The following ENTHD1 variants were observed in gnomAD, a reference collection of about 807,000 sequenced individuals.
ENTHD1 encodes the protein ENTH domain-containing protein 1.
In ENTHD1, 23 loss-of-function variants were observed where a neutral mutation model predicts 39.1. The observed-to-expected ratio is 0.59, with a 90% CI of 0.42 to 0.83. ENTHD1 has a LOEUF of 0.83. Ranked by LOEUF, ENTHD1 falls within the 40% of genes least tolerant of loss-of-function variation. The pLI, the probability that ENTHD1 is intolerant of heterozygous loss-of-function variation, is 0.00. For synonymous variants in ENTHD1, 230 were observed against 258.2 expected, an observed-to-expected ratio of 0.89 and a Z score of 1.05; for missense variants, 624 against 705.4, an observed-to-expected ratio of 0.88 and a Z score of 1.31.
intron 6 of ENTHD1, among the ~76,000 whole-genome samples, chr22:39,749,123 C>T (rs558496346): frequency 1.3e-5 from 2 of 152,148 alleles, no homozygotes; most frequent in East Asian, 3.8e-4. Context: ...TCTATAATTG[C>T]CGCATACCAA....
At chr22:39,829,825 TAAAA>T (rs1421026103) in intron 4 of ENTHD1, among the ~76,000 whole-genome samples, 24 of 151,222 alleles carry the variant, frequency 1.6e-4, no homozygotes, top group African/African-American at 5.8e-4. Context: ...AATAAATAAA[TAAAA>T]TAATTTTTGA....
intron 2 of ENTHD1, among the ~76,000 whole-genome samples, chr22:39,886,168 T>C (rs947566946): frequency 6.6e-6 from 1 of 152,084 alleles, no homozygotes; most frequent in African/African-American, 2.4e-5. Flanking sequence ...CTGAAAAAGC[T>C]ACATACTTTA....
chr22:39,794,928 G>A (rs750264204), intron 5 of ENTHD1, among the ~76,000 whole-genome samples: 2 of 152,086 alleles, frequency 1.3e-5, no homozygotes, highest in Non-Finnish European at 2.9e-5. Context: ...CTTATGTTGG[G>A]GTATATTCCT....
intron 3 of ENTHD1, among the ~76,000 whole-genome samples, chr22:39,853,592 G>C (rs2146709716): frequency 6.6e-6 from 1 of 152,118 alleles, no homozygotes. Context: ...ATTATTTTTT[G>C]AGATAGAGTC....
intron 2 of ENTHD1, among the ~76,000 whole-genome samples, chr22:39,866,395 T>C (rs1258110528): frequency 6.6e-6 from 1 of 152,210 alleles, no homozygotes; most frequent in Non-Finnish European, 1.5e-5. Context: ...ACTTACATTG[T>C]AGTTGGTTGA....
intron 5 of ENTHD1, among the ~76,000 whole-genome samples, chr22:39,803,931 G>A (rs1160128506): frequency 6.6e-6 from 1 of 152,166 alleles, no homozygotes. Flanking sequence ...GGAGGCTGAA[G>A]CAGGAGGGTC....
At chr22:39,846,604 T>A (rs892290428) in intron 3 of ENTHD1, among the ~76,000 whole-genome samples, 1 of 152,098 alleles carries the variant, frequency 6.6e-6, no homozygotes, top group African/African-American at 2.4e-5. Context: ...TTCTTCTAGG[T>A]TTTTTATGGT....
chr22:39,882,363 T>C (rs537423305), intron 2 of ENTHD1, among the ~76,000 whole-genome samples: 12 of 152,276 alleles, frequency 7.9e-5, no homozygotes, highest in African/African-American at 2.2e-4. Context: ...ATTTGGAGAC[T>C]AAGTAGGAGT....
intron 5 of ENTHD1, among the ~76,000 whole-genome samples, chr22:39,820,043 C>G (rs2065769321): frequency 6.6e-6 from 1 of 152,172 alleles, no homozygotes; most frequent in Admixed American, 6.5e-5. Context: ...TAATGCCATC[C>G]TTATACAAAC....
chr22:39,860,756 T>C (rs1000993889), intron 3 of ENTHD1, among the ~76,000 whole-genome samples: 1 of 152,258 alleles, frequency 6.6e-6, no homozygotes, highest in African/African-American at 2.4e-5. Context: ...CTAATGTTTT[T>C]GCTTCCTCAA....
chr22:39,756,457 C>T (rs1002580724), intron 6 of ENTHD1, among the ~76,000 whole-genome samples: 1 of 152,068 alleles, frequency 6.6e-6, no homozygotes, highest in Non-Finnish European at 1.5e-5. Flanking sequence ...GCCTCAGCCT[C>T]CTGAGTAGCT....
rs187032344 is a variant in ENTHD1, at chr22:39,810,643, T to A, written c.832+10350A>T. On this transcript the variant is annotated intron_variant, in intron 5 of 6. Transcript: ENST00000325157. ...TTACCACATTCCAGTATAACTTGCC[T>A]GTTTTTCTGAAAAGCCATGTGGACT... Among the ~76,000 whole-genome samples the A allele has an allele frequency of 3.6e-3, 547 of 152,328 alleles. 5 individuals are homozygous for A. Among genetic ancestry groups the A allele is most frequent in the African/African-American group, 0.012 (481 of 41,570 alleles).
At chr22:39,854,342 ATGG>A (rs1339491484) in intron 3 of ENTHD1, among the ~76,000 whole-genome samples, 1 of 152,206 alleles carries the variant, frequency 6.6e-6, no homozygotes, top group Non-Finnish European at 1.5e-5. Context: ...TTTCCATGAT[ATGG>A]AATGCTATTA....
intron 3 of ENTHD1, among the ~76,000 whole-genome samples, chr22:39,843,257 A>C (rs2065959245): frequency 6.6e-6 from 1 of 152,130 alleles, no homozygotes; most frequent in African/African-American, 2.4e-5. Flanking sequence ...TGGCACATAT[A>C]CACCATGGAA....
chr22:39,793,877 G>A (rs1204614304), intron 5 of ENTHD1, among the ~76,000 whole-genome samples: 1 of 152,112 alleles, frequency 6.6e-6, no homozygotes, highest in Non-Finnish European at 1.5e-5. Context: ...AATATATTTT[G>A]AAGTCAGGTA....
At chr22:39,762,084 T>C (rs948707771) in intron 6 of ENTHD1, among the ~76,000 whole-genome samples, 1 of 152,226 alleles carries the variant, frequency 6.6e-6, no homozygotes, top group Non-Finnish European at 1.5e-5. Context: ...GGTTGGAAGA[T>C]AACTTGCCTG....
intron 6 of ENTHD1, among the ~76,000 whole-genome samples, chr22:39,754,949 G>T (rs1425197163): frequency 1.3e-5 from 2 of 152,148 alleles, no homozygotes; most frequent in African/African-American, 2.4e-5. Flanking sequence ...TCATCTGTCT[G>T]GCTTAATTTT....
chr22:39,766,523 TTA>T (rs1413234303), intron 5 of ENTHD1, among the ~76,000 whole-genome samples: 2 of 152,158 alleles, frequency 1.3e-5, no homozygotes, highest in African/African-American at 2.4e-5. Context: ...ACCGTTATTT[TTA>T]TGAGGTTGTG....
chr22:39,852,369 CA>C (rs2066048486), intron 3 of ENTHD1, among the ~76,000 whole-genome samples: 1 of 152,012 alleles, frequency 6.6e-6, no homozygotes, highest in Non-Finnish European at 1.5e-5. Flanking sequence ...CCTAGAATTG[CA>C]ATCATCTGAT....
Sources: allele counts gnomAD v4.1 joint callset (sites outside exome capture counted in the v4.1 genomes callset), GRCh38; gene constraint gnomAD v4.1.1; transcripts MANE v1.5; gene names NCBI Gene and HGNC (gene_info 2026-07-23, HGNC 2026-07-21).